Variants in FKBP15 observed in about 807,000 individuals in gnomAD.
FKBP15 encodes FKBP prolyl isomerase family member 15.
A neutral mutation model predicts 158.1 loss-of-function variants in FKBP15; 106 were observed. That is an observed-to-expected ratio of 0.67 (90% CI 0.57 to 0.79). FKBP15 has a LOEUF of 0.79. FKBP15 is among the 30% of genes least tolerant of loss of function. The pLI is 0.00. For missense variants in FKBP15, 1,287 were observed against 1,479.1 expected, an observed-to-expected ratio of 0.87 and a Z score of 2.13; for synonymous variants, 547 against 548.6, an observed-to-expected ratio of 1.00 and a Z score of 0.04.
intron 21 of FKBP15, among the ~76,000 whole-genome samples, chr9:113,176,240 A>G (rs1385623636): frequency 6.6e-6 from 1 of 152,206 alleles, no homozygotes; most frequent in East Asian, 1.9e-4. Context: ...ATTTTCCTAA[A>G]AAACATTAAA....
intron 1 of FKBP15, 102 bp downstream of exon 1, chr9:113,221,089 C>T: frequency 7.7e-7 from 1 of 1,296,018 alleles, no homozygotes; most frequent in Non-Finnish European, 1.1e-6. Context: ...AGGGTCTCCC[C>T]CCGGAAGTTG....
intron 1 of FKBP15, among the ~76,000 whole-genome samples, chr9:113,211,904 T>A (rs926206881): frequency 6.6e-6 from 1 of 152,212 alleles, no homozygotes; most frequent in Non-Finnish European, 1.5e-5. Context: ...TTTCCACCTA[T>A]AAACTGAAGT....
chr9:113,198,506 A>C lies in FKBP15; in HGVS notation c.717+349T>G, dbSNP rs1830727757. Among the ~76,000 whole-genome samples, 1 of 152,196 alleles carries C rather than the reference A, an allele frequency of 6.6e-6. No individual in the cohort carries two copies. Among genetic ancestry groups the C allele is most frequent in the Non-Finnish European group, 1.5e-5 (1 of 68,030 alleles). ...GGTGGTTCATGCCTGTAATCCCGGC[A>C]CTTTGGGAGGCTGAGGCGGGTGGAT... On this transcript the variant is annotated intron_variant, in intron 8 of 27. Coordinates refer to ENST00000238256, the MANE Select transcript of FKBP15 (RefSeq NM_015258.2). This position sits in a 1 kb window ranked among gnomAD's most constrained non-coding sequence, Gnocchi z 5.2.
At chr9:113,211,286 G>A (rs1830996788) in intron 2 of FKBP15, among the ~76,000 whole-genome samples, 191 bp downstream of exon 2, 1 of 152,130 alleles carries the variant, frequency 6.6e-6, no homozygotes, top group Admixed American at 6.5e-5. Context: ...AGCCCCCCTA[G>A]TAGCTGGGAT....
rs181971839 is a variant in FKBP15 at position 113,181,842 on chromosome 9, T to G, written c.1914+924A>C. Among the ~76,000 whole-genome samples, 75 of 152,280 alleles carry G rather than the reference T, an allele frequency of 4.9e-4. 1 individual carries two copies. Among genetic ancestry groups the G allele is most frequent in the Non-Finnish European group, 1.0e-4 (7 of 68,006 alleles). On this transcript the variant is annotated intron_variant, in intron 19 of 27. Transcript: ENST00000238256. ...AGTGGGTGGGGAGTGGTGAAGTGAC[T>G]TCAGTACTACCTAACGATAACAATG...
intron 1 of FKBP15, 58 bp from the exon 2 acceptor site, chr9:113,211,650 T>C (rs946272029): frequency 7.7e-7 from 1 of 1,306,766 alleles, no homozygotes; most frequent in Non-Finnish European, 1.1e-6. Context: ...CTGGAATTAT[T>C]ATAAAAGCTG....
chr9:113,193,433 G>T, intron 11 of FKBP15, 59 bp downstream of exon 11: 11 of 1,421,776 alleles, frequency 7.7e-6, no homozygotes, highest in Non-Finnish European at 8.7e-6. Context: ...CCTCAGCTTC[G>T]CAAAGTGTTA....
Position 113,191,340 on chromosome 9 carries a change from C to T in FKBP15, c.1066-762G>A, listed in dbSNP as rs139972548. 1.4e-3 allele frequency among the ~76,000 whole-genome samples: 212 copies of T among 151,754 alleles called. 2 individuals are homozygous for T. In the East Asian group the frequency reaches 0.02, roughly 14 times the overall value. On this transcript the variant is annotated intron_variant, in intron 11 of 27. Transcript: ENST00000238256. ...GGCGCTAATTTTTTGTATTTTTGGT[C>T]GAGAAAGGGCTTCGCCATGTTGCCC...
intron 23 of FKBP15, 93 bp from the exon 24 acceptor site, chr9:113,171,799 T>TC (rs1830216781): frequency 2.6e-5 from 6 of 233,740 alleles, no homozygotes; most frequent in East Asian, 1.6e-4. Flanking sequence ...ATCAAGTCTC[T>TC]TTTTTTTTTT....
Position 113,198,767 on chromosome 9 carries a change from A to G in FKBP15, c.717+88T>C. The G allele has an allele frequency of 2.1e-6, 2 of 954,702 alleles. No homozygotes were observed. Among genetic ancestry groups the G allele is most frequent in the Non-Finnish European group, 3.1e-6 (2 of 642,000 alleles). 59.1% of individuals were successfully genotyped at this position (954,702 alleles called of 1,614,324 possible). ...AACTCCGTCTCAAAAAATAAAAATAAAATAAAAAAAGGAATTCCACAAAAT... is the reference window on the plus strand; with the variant it reads ...AACTCCGTCTCAAAAAATAAAAATAGAATAAAAAAAGGAATTCCACAAAAT... On this transcript the variant is annotated intron_variant, in intron 8 of 27. Coordinates refer to ENST00000238256, the MANE Select transcript of FKBP15 (RefSeq NM_015258.2). This position sits in a 1 kb window ranked among gnomAD's most constrained non-coding sequence, Gnocchi z 5.2.
Position 113,184,637 on chromosome 9 carries a change from T to G in FKBP15, c.1608+58A>C. 2 of 1,362,668 alleles carry G rather than the reference T, an allele frequency of 1.5e-6. No homozygotes were observed. The highest frequency in any genetic ancestry group is 2.1e-6 in the Non-Finnish European group (2 of 971,194). 84.4% of individuals were successfully genotyped at this position (1,362,668 alleles called of 1,614,324 possible). A position where few individuals can be genotyped will look rare whatever the true frequency, so the allele number is the denominator to read the frequency against. ...TCAAAGAAGAGTTTACCTACAGTTC[T>G]GGCTGCTCCCTGTTTACATCCCCAC... On this transcript the variant is annotated intron_variant, in intron 16 of 27. Coordinates refer to ENST00000238256, the MANE Select transcript of FKBP15 (RefSeq NM_015258.2). The surrounding 1 kb of genome is among the most constrained non-coding windows in gnomAD (Gnocchi z 4.5).
At chr9:113,172,007 AC>A in intron 23 of FKBP15, among the ~76,000 whole-genome samples, 1 of 140,564 alleles carries the variant, frequency 7.1e-6, no homozygotes, top group South Asian at 2.5e-4. Flanking sequence ...CCGTCCCCCA[AC>A]CCCCGACAGG....
chr9:113,184,434 A>G lies in FKBP15; in HGVS notation c.1609-35T>C, dbSNP rs770177363. The stretch of plus-strand genomic sequence containing the variant: ...GGATACCAGAAAGACCTTGTGAGAA[A>G]TTATAAAATGAAGAAATACAATTTA... On this transcript the variant is annotated intron_variant, in intron 16 of 27. Coordinates refer to ENST00000238256, the MANE Select transcript of FKBP15 (RefSeq NM_015258.2). The surrounding 1 kb of genome is among the most constrained non-coding windows in gnomAD (Gnocchi z 4.5). 14 of 1,470,426 alleles carry G rather than the reference A, an allele frequency of 9.5e-6. No individual in the cohort carries two copies. The South Asian group carries it at 1.2e-4, about 13-fold the overall frequency. The allele number at this position is 1,470,426 out of a possible 1,614,324, so 91.1% of individuals were successfully genotyped here. A position where few individuals can be genotyped will look rare whatever the true frequency, so the allele number is the denominator to read the frequency against.
chr9:113,165,599 A>C lies in FKBP15; in HGVS notation c.*479T>G, dbSNP rs984480838. ...TGTATCAGATTTAAGGCAAAGAAGA[A>C]GATACATGTCCCAGGACTATAGGCC... On this transcript the variant is annotated 3_prime_UTR_variant, in exon 28 of 28. Coordinates refer to ENST00000238256, the MANE Select transcript of FKBP15 (RefSeq NM_015258.2). 1 of 152,546 alleles carries C rather than the reference A, an allele frequency of 6.6e-6. No individual in the cohort carries two copies. The highest frequency in any genetic ancestry group is 2.1e-4 in the South Asian group (1 of 4,838). The allele number at this position is 152,546 out of a possible 1,614,324, so 9.4% of individuals were successfully genotyped here.
chr9:113,174,382 C>T (rs1830266138), intron 22 of FKBP15, 46 bp downstream of exon 22: 1 of 1,595,756 alleles, frequency 6.3e-7, no homozygotes, highest in Admixed American at 1.7e-5. Context: ...TCTCTGAGTC[C>T]TTCACACCTT....
intron 3 of FKBP15, 46 bp downstream of exon 3, chr9:113,207,166 C>T (rs528723646): frequency 4.3e-5 from 63 of 1,480,126 alleles, no homozygotes; most frequent in South Asian, 1.9e-4. Flanking sequence ...CTTAACTGCA[C>T]GCCCTTCCAC....
At chr9:113,219,835 C>CA (rs1396819538) in intron 1 of FKBP15, among the ~76,000 whole-genome samples, 1 of 152,088 alleles carries the variant, frequency 6.6e-6, no homozygotes, top group Non-Finnish European at 1.5e-5. Context: ...AAAAAAGGAA[C>CA]AAAAGCACAG....
intron 19 of FKBP15, among the ~76,000 whole-genome samples, chr9:113,179,451 C>A (rs1222941881): frequency 1.3e-5 from 2 of 152,082 alleles, no homozygotes; most frequent in South Asian, 2.1e-4. Context: ...ATCACGAGGT[C>A]AGGAGTTCGA....
rs1452854254 is a variant in FKBP15 at position 113,174,563 on chromosome 9, C to T, written c.2244G>A (p.Lys748=). The T allele has an allele frequency of 6.2e-7, 1 of 1,613,876 alleles. No individual in the cohort carries two copies. ...SLEKNLSERK[K]KSAQERSQAE... ...CCTGAGAACGCTCTTGAGCTGACTT[C>T]TTTTTCCTTTCTGAGAGGTTCTTAG... Residue 748 remains lysine, a synonymous_variant, in exon 22 of 28, where the codon AAG becomes AAA. Transcript: ENST00000238256.
Sources: gnomAD v4.1 joint callset for allele counts (sites outside exome capture counted in the v4.1 genomes callset) on GRCh38, gnomAD v4.1.1 for gene constraint, Gnocchi (gnomAD v3.1) non-coding constraint, MANE v1.5 for transcripts, NCBI Gene and HGNC (gene_info 2026-07-23, HGNC 2026-07-21) for gene names.